Variants in FUBP3 observed in about 807,000 individuals in gnomAD.
FUBP3 encodes the protein far upstream element binding protein 3.
Under a neutral mutation model 85.6 loss-of-function variants are expected in FUBP3, and 28 were observed. The observed-to-expected ratio is 0.33, with a 90% CI of 0.24 to 0.45. The LOEUF (loss-of-function observed/expected upper bound fraction) is 0.45, where lower values mean the gene tolerates loss of function less well. Ranked by LOEUF, FUBP3 falls within the 20% of genes least tolerant of loss-of-function variation. The pLI, the probability that FUBP3 is intolerant of heterozygous loss-of-function variation, is 1.00. For synonymous variants in FUBP3, 271 were observed against 271.4 expected (o/e 1.00, Z 0.01); for missense variants, 583 against 755.1 (o/e 0.77, Z 2.67).
chr9:130,599,330 CACACATATAT>C (rs886716608), intron 2 of FUBP3, among the ~76,000 whole-genome samples: 95 of 143,504 alleles, frequency 6.6e-4, no homozygotes, highest in African/African-American at 2.4e-3. Flanking sequence ...CACATATATA[CACACATATAT>C]ACACATATAT....
rs201011750 is a variant in FUBP3 at position 130,630,799 on chromosome 9, G to C, written c.1278+11G>C. The C allele has an allele frequency of 9.7e-4, 1,421 of 1,458,858 alleles. 1 individual carries two copies. Among genetic ancestry groups the C allele is most frequent in the Non-Finnish European group, 1.1e-3 (1,211 of 1,104,204 alleles). 90.4% of individuals were successfully genotyped at this position (1,458,858 alleles called of 1,614,324 possible). The stretch of plus-strand genomic sequence containing the variant: ...GATGAGAAAGTTGGCGTACGTACAG[G>C]GTCCTTCCCCCACCTGGTTTACTCA... On this transcript the variant is annotated intron_variant, in intron 13 of 18. Coordinates refer to ENST00000319725, the MANE Select transcript of FUBP3 (RefSeq NM_003934.2).
chr9:130,613,090 G>A (rs1384636451), intron 5 of FUBP3, 63 bp downstream of exon 5: 2 of 1,033,586 alleles, frequency 1.9e-6, no homozygotes, highest in Non-Finnish European at 3.0e-6. Context: ...AAACTTTCCA[G>A]ATTCGGTACT....
At chr9:130,613,185 C>A (rs1393223469) in intron 5 of FUBP3, among the ~76,000 whole-genome samples, 158 bp downstream of exon 5, 1 of 152,224 alleles carries the variant, frequency 6.6e-6, no homozygotes, top group Non-Finnish European at 1.5e-5. Context: ...CCAGAAGGAT[C>A]AGAGCAAAGG....
chr9:130,624,580 C>A (rs1399858572), intron 11 of FUBP3, among the ~76,000 whole-genome samples: 2 of 151,530 alleles, frequency 1.3e-5, no homozygotes, highest in African/African-American at 4.9e-5. Context: ...AACACAAATT[C>A]ATAAACTTTC....
chr9:130,622,927 A>T, intron 10 of FUBP3, 117 bp downstream of exon 10: 1 of 483,244 alleles, frequency 2.1e-6, no homozygotes, highest in Non-Finnish European at 3.7e-6. Context: ...ATGTGTATTC[A>T]CCTTTCTCAT....
chr9:130,586,839 C>CTCCCAGGTTCACACCA (rs1456171911), intron 1 of FUBP3, among the ~76,000 whole-genome samples: 1 of 150,716 alleles, frequency 6.6e-6, no homozygotes, highest in African/African-American at 2.4e-5. Flanking sequence ...CAAGCTCAGC[C>CTCCCAGGTTCACACCA]TCCCAGGTTC....
chr9:130,619,303 A>AT lies in FUBP3; in HGVS notation c.667-1035dup, dbSNP rs11293240. Among the ~76,000 whole-genome samples the AT allele has an allele frequency of 2.4e-3, 329 of 137,892 alleles. 1 individual carries two copies. The highest frequency in any genetic ancestry group is 7.0e-3 in the South Asian group (31 of 4,410). The allele number at this position is 137,892 out of a possible 152,430, so 90.5% of individuals were successfully genotyped here. ...TTTAAATTTTAAAACTGTATATTTCATTTTTTTTTTTTTTTTCATTTAGGA... is the reference window on the plus strand; with the variant it reads ...TTTAAATTTTAAAACTGTATATTTCATTTTTTTTTTTTTTTTTCATTTAGGA... On this transcript the variant is annotated intron_variant, in intron 8 of 18. Coordinates refer to ENST00000319725, the MANE Select transcript of FUBP3 (RefSeq NM_003934.2).
chr9:130,589,032 A>G (rs1197164288), intron 1 of FUBP3, among the ~76,000 whole-genome samples: 1 of 152,126 alleles, frequency 6.6e-6, no homozygotes, highest in Admixed American at 6.5e-5. Context: ...ATGCCAATCA[A>G]CAGGATCCCT....
intron 1 of FUBP3, among the ~76,000 whole-genome samples, chr9:130,594,266 T>C (rs1275899659): frequency 6.6e-6 from 1 of 150,544 alleles, no homozygotes; most frequent in Non-Finnish European, 1.5e-5. Flanking sequence ...GGGCAACATA[T>C]TGAGTCCTCA....
At position 130,637,066 on chromosome 9, in the gene FUBP3, A is replaced by G; in HGVS notation, c.*44A>G. ...AACTCTCCCCTCAAAATCATTGTCA[A>G]AGAAAACCTATTTGTAACAGAGGTT... is the stretch of plus-strand genomic sequence containing the variant. On this transcript the variant is annotated 3_prime_UTR_variant, in exon 19 of 19. Transcript: ENST00000319725. The G allele has an allele frequency of 6.5e-7, 1 of 1,547,030 alleles. No individual in the cohort carries two copies. The highest frequency in any genetic ancestry group is 1.1e-5 in the South Asian group (1 of 89,696).
At chr9:130,630,960 G>T in intron 13 of FUBP3, among the ~76,000 whole-genome samples, 172 bp downstream of exon 13, 1 of 152,290 alleles carries the variant, frequency 6.6e-6, no homozygotes, top group East Asian at 1.9e-4. Context: ...GACCCAGGGA[G>T]TGCCAGAGCC....
chr9:130,632,081 A>C, intron 15 of FUBP3, 59 bp downstream of exon 15: 2 of 1,492,982 alleles, frequency 1.3e-6, no homozygotes, highest in Non-Finnish European at 1.9e-6. Context: ...TCACTTGGCT[A>C]TTGCCGACAG....
chr9:130,609,378 C>T (rs995183614), intron 2 of FUBP3, among the ~76,000 whole-genome samples: 11 of 136,162 alleles, frequency 8.1e-5, no homozygotes, highest in African/African-American at 1.4e-4. Flanking sequence ...CTGGTGGGTC[C>T]GTGACGAGGC....
At chr9:130,621,697 G>A (rs1588152546) in intron 9 of FUBP3, among the ~76,000 whole-genome samples, 1 of 151,246 alleles carries the variant, frequency 6.6e-6, no homozygotes, top group South Asian at 2.1e-4. Context: ...ACAAGGTCAG[G>A]AGTTCGAGAC....
chr9:130,623,514 C>A, intron 10 of FUBP3, 97 bp from the exon 11 acceptor site: 1 of 797,090 alleles, frequency 1.3e-6, no homozygotes, highest in Non-Finnish European at 2.1e-6. Flanking sequence ...CCCCTTTTGG[C>A]ACCGCGGGTG....
At chr9:130,631,149 C>G (rs1278214994) in intron 13 of FUBP3, 1 of 1,149,570 alleles carries the variant, frequency 8.7e-7, no homozygotes, top group Admixed American at 4.6e-5. Flanking sequence ...CTTTCATTGA[C>G]TCTGGCTTTA....
intron 2 of FUBP3, among the ~76,000 whole-genome samples, chr9:130,599,014 C>T (rs967867197): frequency 3.3e-5 from 5 of 151,994 alleles, no homozygotes; most frequent in Admixed American, 2.6e-4. Context: ...TAAATAAGGC[C>T]GGGCACTGTG....
intron 1 of FUBP3, among the ~76,000 whole-genome samples, chr9:130,580,453 C>G (rs1290218434): frequency 6.6e-6 from 1 of 152,184 alleles, no homozygotes; most frequent in African/African-American, 2.4e-5. Context: ...AATATGGGAC[C>G]TGCCAAAAAT....
At chr9:130,619,370 A>T (rs539359731) in intron 8 of FUBP3, among the ~76,000 whole-genome samples, 14 of 151,092 alleles carry the variant, frequency 9.3e-5, no homozygotes, top group Admixed American at 4.6e-4. Context: ...TATCTCTTCA[A>T]CCTGCCTAAC....
Sources: allele counts gnomAD v4.1 joint callset (sites outside exome capture counted in the v4.1 genomes callset), GRCh38; gene constraint gnomAD v4.1.1; transcripts MANE v1.5; gene names NCBI Gene and HGNC (gene_info 2026-07-23, HGNC 2026-07-21).